The following SLC7A5 variants were observed in gnomAD, a reference collection of about 807,000 sequenced individuals.
The protein encoded by SLC7A5 is solute carrier family 7 member 5.
In SLC7A5, 23 loss-of-function variants were observed where a neutral mutation model predicts 50.2. That is an observed-to-expected ratio of 0.46 (90% CI 0.33 to 0.65). SLC7A5 has a LOEUF of 0.65. Among genes scored for constraint, SLC7A5 ranks in the 30% least tolerant of loss-of-function variants. The pLI, the probability that SLC7A5 is intolerant of heterozygous loss-of-function variation, is 0.02. For synonymous variants in SLC7A5, 393 were observed against 330.6 expected, an observed-to-expected ratio of 1.19 and a Z score of -2.05; for missense variants, 578 against 684.4, an observed-to-expected ratio of 0.84 and a Z score of 1.73.
At position 87,852,715 on chromosome 16, in the gene SLC7A5, C is replaced by T. The variant is rs546498526; in HGVS notation, c.539-866G>A. Among the ~76,000 whole-genome samples, 8 of 146,108 alleles carry T rather than the reference C, an allele frequency of 5.5e-5. No individual in the cohort carries two copies. Among genetic ancestry groups the T allele is most frequent in the African/African-American group, 1.0e-4 (4 of 39,188 alleles). ...GGGGTTCTGTTGCAATATATAGGCA[C>T]GCTGAGCCACTGTGTGTGTGTGCGT... is the stretch of plus-strand genomic sequence containing the variant. On this transcript the variant is annotated intron_variant, in intron 1 of 9. Coordinates refer to ENST00000261622, the MANE Select transcript of SLC7A5 (RefSeq NM_003486.7). This position sits in a 1 kb window ranked among gnomAD's most constrained non-coding sequence, Gnocchi z 4.5.
chr16:87,845,441 A>G (rs371486346), intron 2 of SLC7A5, among the ~76,000 whole-genome samples: 1 of 148,422 alleles, frequency 6.7e-6, no homozygotes, highest in Non-Finnish European at 1.5e-5. Flanking sequence ...CGCCCACCCC[A>G]GAGTCCATGC....
chr16:87,835,123 G>C (rs751294652), intron 8 of SLC7A5, among the ~76,000 whole-genome samples: 1 of 152,284 alleles, frequency 6.6e-6, no homozygotes, highest in African/African-American at 2.4e-5. Context: ...GCAACCTGCG[G>C]CTCGGCATGG....
chr16:87,860,485 G>A lies in SLC7A5; in HGVS notation c.538+8400C>T, dbSNP rs139262030. ...GCCTTGGAGTTGTCCCGCCTTTCTC[G>A]GCAGAACCAACAAATACCTTTCATG... On this transcript the variant is annotated intron_variant, in intron 1 of 9. Transcript: ENST00000261622. This position sits in a 1 kb window ranked among gnomAD's most constrained non-coding sequence, Gnocchi z 4.8. 9.2e-5 allele frequency among the ~76,000 whole-genome samples: 14 copies of A among 151,462 alleles called. No individual in the cohort carries two copies. The East Asian group carries it at 2.5e-3, about 27-fold the overall frequency.
At chr16:87,837,772 G>T in intron 7 of SLC7A5, 73 bp downstream of exon 7, 1 of 1,256,790 alleles carries the variant, frequency 8.0e-7, no homozygotes, top group Non-Finnish European at 1.1e-6. Flanking sequence ...GCTGCAAGCT[G>T]TGGCAGCCTC....
chr16:87,848,120 G>T (rs138108968), intron 2 of SLC7A5, among the ~76,000 whole-genome samples: 29 of 135,668 alleles, frequency 2.1e-4, no homozygotes, highest in African/African-American at 8.9e-4. Flanking sequence ...CCTTTTTGTG[G>T]ACAGAGTGAA....
intron 7 of SLC7A5, chr16:87,837,412 G>A (rs1031867994): frequency 9.3e-6 from 2 of 214,648 alleles, no homozygotes; most frequent in South Asian, 1.6e-4. Context: ...TTTCCTTTTA[G>A]AACACTACAT....
chr16:87,832,965 C>T lies in SLC7A5; in HGVS notation c.*5G>A. ...TGCTCCTCCGGCAGCCACTCGGCCT[C>T]CTGGCTATGTCTCCTGGGGGACCAC... On this transcript the variant is annotated 3_prime_UTR_variant, in exon 10 of 10. Coordinates refer to ENST00000261622, the MANE Select transcript of SLC7A5 (RefSeq NM_003486.7). This position sits in a 1 kb window ranked among gnomAD's most constrained non-coding sequence, Gnocchi z 4.6. The T allele has an allele frequency of 1.2e-6, 2 of 1,612,996 alleles. No individual in the cohort carries two copies. Among genetic ancestry groups the T allele is most frequent in the Non-Finnish European group, 8.5e-7 (1 of 1,179,102 alleles).
Position 87,853,899 on chromosome 16 carries a change from GCGGCTGT to G in SLC7A5, c.539-2057_539-2051del, listed in dbSNP as rs2055273818. 9.2e-6 allele frequency: 1 copy of G among 108,164 alleles called. No individual in the cohort carries two copies. Among genetic ancestry groups the G allele is most frequent in the Non-Finnish European group, 2.3e-5 (1 of 43,668 alleles). 6.7% of individuals were successfully genotyped at this position (108,164 alleles called of 1,614,324 possible). Reference sequence around the variant, plus strand: ...TGCGGAGACACTGAGCACTGCCCTCGCGGCTGTCACGTCTGCGGCTGTCACGTCTGCT... The same window carrying G: ...TGCGGAGACACTGAGCACTGCCCTCGCACGTCTGCGGCTGTCACGTCTGCT... On this transcript the variant is annotated intron_variant, in intron 1 of 9. Coordinates refer to ENST00000261622, the MANE Select transcript of SLC7A5 (RefSeq NM_003486.7). This position sits in a 1 kb window ranked among gnomAD's most constrained non-coding sequence, Gnocchi z 4.4.
chr16:87,839,852 C>T (rs1042572133), intron 4 of SLC7A5, 27 bp from the exon 5 acceptor site: 5 of 1,612,860 alleles, frequency 3.1e-6, no homozygotes, highest in South Asian at 2.2e-5. Context: ...CGACATGTCA[C>T]CCAACGCAGC....
rs1175062512 is a variant in SLC7A5, at chr16:87,831,474, G to C, written c.*1496C>G. ...GAGCTTGCGGCTTGAGCAGCCGCTG[G>C]TCAGTGAAGCCGTGTCCGGCTTCGT... is the stretch of plus-strand genomic sequence containing the variant. On this transcript the variant is annotated 3_prime_UTR_variant, in exon 10 of 10. Coordinates refer to ENST00000261622, the MANE Select transcript of SLC7A5 (RefSeq NM_003486.7). 1 of 152,194 alleles carries C rather than the reference G, an allele frequency of 6.6e-6. No individual in the cohort carries two copies. The highest frequency in any genetic ancestry group is 2.4e-5 in the African/African-American group (1 of 41,418). 9.4% of individuals were successfully genotyped at this position (152,194 alleles called of 1,614,324 possible). A position where few individuals can be genotyped will look rare whatever the true frequency, so the allele number is the denominator to read the frequency against.
intron 1 of SLC7A5, among the ~76,000 whole-genome samples, chr16:87,866,326 C>G (rs2055460314): frequency 6.6e-6 from 1 of 152,106 alleles, no homozygotes; most frequent in Non-Finnish European, 1.5e-5. Flanking sequence ...GCCGCAGAAA[C>G]TCTGGGGGTC....
chr16:87,869,298 T>C lies in SLC7A5; in HGVS notation c.125A>G (p.Glu42Gly). Reference protein sequence around the residue: ...ADGSAPAGEGEGVTLQRNITL... With the variant: ...ADGSAPAGEGGGVTLQRNITL... ...GATGTTCCGCTGCAGGGTCACGCCC[T>C]CGCCCTCGCCTGCCGGCGCCGAGCC... is the stretch of plus-strand genomic sequence containing the variant. The change falls in exon 1 of 10, where the codon GAG becomes GGG. Residue 42 changes from glutamate (E) to glycine (G), a missense_variant. Around this residue, in one of 2 missense-constraint regions of SLC7A5, gnomAD observed 113 missense variants for 89.8 expected, o/e 1.26. Coordinates refer to ENST00000261622, the MANE Select transcript of SLC7A5 (RefSeq NM_003486.7). The C allele has an allele frequency of 6.2e-7, 1 of 1,611,498 alleles. No homozygotes were observed. The highest frequency in any genetic ancestry group is 8.5e-7 in the Non-Finnish European group (1 of 1,179,700).
At chr16:87,848,436 T>C (rs2055180145) in intron 2 of SLC7A5, among the ~76,000 whole-genome samples, 1 of 152,220 alleles carries the variant, frequency 6.6e-6, no homozygotes, top group Non-Finnish European at 1.5e-5. Context: ...GGCAACAGCC[T>C]GCGAGTGGAC....
In SLC7A5 at chr16:87,869,471, G is replaced by C. The variant is rs33996472; in HGVS notation, c.-49C>G. On this transcript the variant is annotated 5_prime_UTR_variant, in exon 1 of 10. Coordinates refer to ENST00000261622, the MANE Select transcript of SLC7A5 (RefSeq NM_003486.7). ...GGACACCCGGGAGCCGCGGCCCAGC[G>C]AGCAGTGTGCGCGCCGCCCGCCGCC... is the stretch of plus-strand genomic sequence containing the variant. 6.3e-4 allele frequency: 785 copies of C among 1,242,264 alleles called. 18 individuals carry two copies. In the South Asian group the frequency reaches 8.8e-3, roughly 14 times the overall value. The allele number at this position is 1,242,264 out of a possible 1,614,324, so 77.0% of individuals were successfully genotyped here. A position where few individuals can be genotyped will look rare whatever the true frequency, so the allele number is the denominator to read the frequency against.
In SLC7A5 at chr16:87,841,633, T is replaced by G. The variant is rs2055084254; in HGVS notation, c.665-478A>C. Among the ~76,000 whole-genome samples the G allele has an allele frequency of 6.6e-6, 1 of 152,144 alleles. No individual in the cohort carries two copies. Among genetic ancestry groups the G allele is most frequent in the African/African-American group, 2.4e-5 (1 of 41,440 alleles). ...GGAGCTCGGAACAGACTGCCCTCCCTCCAGGGCTGGCAGGACAGGCCTGGG... is the reference window on the plus strand; with the variant it reads ...GGAGCTCGGAACAGACTGCCCTCCCGCCAGGGCTGGCAGGACAGGCCTGGG... On this transcript the variant is annotated intron_variant, in intron 2 of 9. Transcript: ENST00000261622. The surrounding 1 kb of genome is among the most constrained non-coding windows in gnomAD (Gnocchi z 4.8).
At position 87,869,335 on chromosome 16, in the gene SLC7A5, T is replaced by C. The variant is rs1050585288; in HGVS notation, c.88A>G (p.Lys30Glu). Residue 30 changes from lysine (K) to glutamate (E), a missense_variant, in exon 1 of 10, where the codon AAG becomes GAG. This residue lies in a region of SLC7A5 where 113 missense variants were observed against 89.8 expected (regional missense o/e 1.26). Coordinates refer to ENST00000261622, the MANE Select transcript of SLC7A5 (RefSeq NM_003486.7). ...EEAREKMLAAKSADGSAPAGE... is the reference protein window; with the variant it reads ...EEAREKMLAAESADGSAPAGE... ...GCCGGCGCCGAGCCGTCCGCGCTCTTGGCGGCCAGCATCTTCTCCCGCGCC... is the reference window on the plus strand; with the variant it reads ...GCCGGCGCCGAGCCGTCCGCGCTCTCGGCGGCCAGCATCTTCTCCCGCGCC... 6.2e-7 allele frequency: 1 copy of C among 1,609,864 alleles called. No individual in the cohort carries two copies. Among genetic ancestry groups the C allele is most frequent in the East Asian group, 2.2e-5 (1 of 44,822 alleles).
intron 5 of SLC7A5, 111 bp downstream of exon 5, chr16:87,839,591 C>T: frequency 6.6e-7 from 1 of 1,526,458 alleles, no homozygotes; most frequent in Non-Finnish European, 9.0e-7. Flanking sequence ...GACGCGGGGC[C>T]CCCTCTGCGT....
Position 87,860,381 on chromosome 16 carries a change from CACACACACACACACACACATAT to C in SLC7A5, c.538+8482_538+8503del. On this transcript the variant is annotated intron_variant, in intron 1 of 9. Coordinates refer to ENST00000261622, the MANE Select transcript of SLC7A5 (RefSeq NM_003486.7). The surrounding 1 kb of genome is among the most constrained non-coding windows in gnomAD (Gnocchi z 4.8). Reference sequence around the variant, plus strand: ...ACACACACACACACACACACACACACACACACACACACACACACATATATATATAAAGAAAAAGGAAATCTTC... The same window carrying C: ...ACACACACACACACACACACACACACATATATAAAGAAAAAGGAAATCTTC... 6.8e-6 allele frequency among the ~76,000 whole-genome samples: 1 copy of C among 146,196 alleles called. No homozygotes were observed. The highest frequency in any genetic ancestry group is 2.6e-5 in the African/African-American group (1 of 38,182).
rs531328923 is a variant in SLC7A5 at position 87,862,222 on chromosome 16, G to T, written c.538+6663C>A. Among the ~76,000 whole-genome samples, 7 of 152,216 alleles carry T rather than the reference G, an allele frequency of 4.6e-5. No individual in the cohort carries two copies. Among genetic ancestry groups the T allele is most frequent in the Admixed American group, 2.0e-4 (3 of 15,292 alleles). On this transcript the variant is annotated intron_variant, in intron 1 of 9. Transcript: ENST00000261622. The surrounding 1 kb of genome is among the most constrained non-coding windows in gnomAD (Gnocchi z 5.3). ...CAGGTGCTGGATACCCCAGCGGTTG[G>T]GGGGGTGGTGCTGGACACCCAGGGG...
Sources: gnomAD v4.1 joint callset for allele counts (sites outside exome capture counted in the v4.1 genomes callset) on GRCh38, gnomAD v4.1.1 for gene constraint, gnomAD v4.1.1 regional missense constraint, Gnocchi (gnomAD v3.1) non-coding constraint, MANE v1.5 for transcripts, NCBI Gene and HGNC (gene_info 2026-07-23, HGNC 2026-07-21) for gene names.